Variants in STX8 observed in about 807,000 individuals in gnomAD.
STX8 encodes the protein syntaxin-8.
In STX8, 23 loss-of-function variants were observed where a neutral mutation model predicts 37.5. That is an observed-to-expected ratio of 0.61 (90% CI 0.44 to 0.87). The LOEUF is 0.87. STX8 is among the 40% of genes least tolerant of loss of function. The pLI, the probability that STX8 is intolerant of heterozygous loss-of-function variation, is 0.00. For synonymous variants in STX8, 115 were observed against 99.1 expected (o/e 1.16, Z -0.95); for missense variants, 313 against 284.7 (o/e 1.10, Z -0.71).
At chr17:9,328,394 G>C (rs538883493) in intron 7 of STX8, among the ~76,000 whole-genome samples, 4 of 152,242 alleles carry the variant, frequency 2.6e-5, no homozygotes, top group African/African-American at 9.6e-5. Context: ...AAGTCCTTCA[G>C]TTCAAAGTAC....
Position 9,482,265 on chromosome 17 carries a change from G to A in STX8, c.541+9564C>T, listed in dbSNP as rs538422705. ...ACCTACAGAATTTTTTTTTTGCCTCGTTCATATTTCATCTGTACTATTTTT... is the reference window on the plus strand; with the variant it reads ...ACCTACAGAATTTTTTTTTTGCCTCATTCATATTTCATCTGTACTATTTTT... On this transcript the variant is annotated intron_variant, in intron 6 of 7. Transcript: ENST00000306357. Among the ~76,000 whole-genome samples, 4 of 150,676 alleles carry A rather than the reference G, an allele frequency of 2.7e-5. No homozygotes were observed. The East Asian group carries it at 5.9e-4, about 22-fold the overall frequency.
intron 4 of STX8, among the ~76,000 whole-genome samples, chr17:9,509,210 C>T (rs1166013218): frequency 6.6e-6 from 1 of 152,140 alleles, no homozygotes; most frequent in Non-Finnish European, 1.5e-5. Context: ...GACCACGCTA[C>T]TGCACTCCAG....
At chr17:9,454,259 C>T (rs886953500) in intron 6 of STX8, among the ~76,000 whole-genome samples, 1 of 152,136 alleles carries the variant, frequency 6.6e-6, no homozygotes, top group Non-Finnish European at 1.5e-5. Flanking sequence ...CCAAATGACT[C>T]GTAGGCCGGG....
intron 7 of STX8, among the ~76,000 whole-genome samples, chr17:9,284,489 C>T (rs573043419): frequency 3.3e-5 from 5 of 152,236 alleles, no homozygotes; most frequent in South Asian, 2.1e-4. Flanking sequence ...CCTGGAGATA[C>T]GGAGATAAAC....
intron 2 of STX8, among the ~76,000 whole-genome samples, chr17:9,562,453 G>C (rs923503332): frequency 2.0e-5 from 3 of 151,016 alleles, no homozygotes; most frequent in African/African-American, 7.3e-5. Context: ...CCACAAGCAA[G>C]TCAAATGTCA....
At chr17:9,295,106 A>C (rs1908467708) in intron 7 of STX8, among the ~76,000 whole-genome samples, 1 of 152,228 alleles carries the variant, frequency 6.6e-6, no homozygotes, top group Non-Finnish European at 1.5e-5. Flanking sequence ...AGACTAATGG[A>C]GTGAGCCTTG....
intron 4 of STX8, among the ~76,000 whole-genome samples, chr17:9,515,395 GCA>G (rs751234431): frequency 1.3e-5 from 2 of 152,132 alleles, no homozygotes; most frequent in Non-Finnish European, 2.9e-5. Flanking sequence ...AAGATTTTAA[GCA>G]CAGAGTTGGT....
At chr17:9,372,779 ATTTT>A (rs72485507) in intron 7 of STX8, among the ~76,000 whole-genome samples, 3 of 109,532 alleles carry the variant, frequency 2.7e-5, no homozygotes, top group African/African-American at 3.4e-5. Context: ...CCCAGCCCTC[ATTTT>A]TTTTTTTTTT....
intron 1 of STX8, 59 bp downstream of exon 1, chr17:9,575,733 C>A: frequency 1.3e-6 from 2 of 1,541,850 alleles, no homozygotes; most frequent in Non-Finnish European, 8.8e-7. Flanking sequence ...GCCTGCTCTC[C>A]GGAAGCCCGG....
chr17:9,363,951 C>T (rs945114298), intron 7 of STX8, among the ~76,000 whole-genome samples: 8 of 152,138 alleles, frequency 5.3e-5, no homozygotes, highest in Non-Finnish European at 1.2e-4. Flanking sequence ...CTTCAATTTG[C>T]CTGGATTAAG....
chr17:9,350,963 A>T (rs868206113), intron 7 of STX8, among the ~76,000 whole-genome samples: 1 of 152,202 alleles, frequency 6.6e-6, no homozygotes, highest in Non-Finnish European at 1.5e-5. Context: ...AAATATTAAC[A>T]TGGGAACTAA....
rs550607528 is a variant in STX8 at position 9,532,713 on chromosome 17, A to G, written c.323+12459T>C. 6.6e-5 allele frequency among the ~76,000 whole-genome samples: 10 copies of G among 152,298 alleles called. 1 individual carries two copies. The highest frequency in any genetic ancestry group is 2.0e-4 in the Admixed American group (3 of 15,300). ...ATGGTCAACATTTTGACCTAACACTATCAACCAAACCGACTCTTCCACCAA... is the reference window on the plus strand; with the variant it reads ...ATGGTCAACATTTTGACCTAACACTGTCAACCAAACCGACTCTTCCACCAA... On this transcript the variant is annotated intron_variant, in intron 4 of 7. Coordinates refer to ENST00000306357, the MANE Select transcript of STX8 (RefSeq NM_004853.3).
intron 7 of STX8, among the ~76,000 whole-genome samples, chr17:9,323,681 AAGAG>A (rs1415868990): frequency 8.5e-5 from 13 of 152,212 alleles, no homozygotes; most frequent in Middle Eastern, 3.4e-3. Flanking sequence ...AAATGAAGAG[AAGAG>A]AGAAAGGAAG....
chr17:9,506,882 G>A (rs929609987), intron 4 of STX8, among the ~76,000 whole-genome samples: 1 of 151,854 alleles, frequency 6.6e-6, no homozygotes, highest in African/African-American at 2.4e-5. Flanking sequence ...CTTCCTCTTG[G>A]GGCCAGTAGC....
chr17:9,282,315 G>A (rs113592188), intron 7 of STX8, among the ~76,000 whole-genome samples: 1 of 152,082 alleles, frequency 6.6e-6, no homozygotes, highest in African/African-American at 2.4e-5. Flanking sequence ...TGTATTTTTA[G>A]TAGAGACAGG....
In STX8 at chr17:9,378,619, G is replaced by C; in HGVS notation, c.576C>G (p.Asn192Lys). The C allele has an allele frequency of 6.2e-7, 1 of 1,613,762 alleles. No homozygotes were observed. Among genetic ancestry groups the C allele is most frequent in the Non-Finnish European group, 8.5e-7 (1 of 1,179,768 alleles). The change falls in exon 7 of 8, where the codon AAC (asparagine) becomes AAG (lysine). Residue 192 changes from asparagine (N) to lysine (K), a missense_variant. Asn to Lys is a moderately conservative substitution (Grantham distance 94). Transcript: ENST00000306357. The stretch of plus-strand genomic sequence containing the variant: ...TTTCATTGCGAAGTTTTTCATCTGT[G>C]TTCTCCACTAGGTTGGCAAGGTCGT... Reference protein sequence around the residue: ...IIDDLANLVENTDEKLRNETR... With the variant: ...IIDDLANLVEKTDEKLRNETR...
intron 4 of STX8, among the ~76,000 whole-genome samples, chr17:9,508,930 A>C (rs533733629): frequency 6.6e-6 from 1 of 152,324 alleles, no homozygotes; most frequent in African/African-American, 2.4e-5. Context: ...AATTATCAAA[A>C]GTCAAAGACA....
intron 2 of STX8, among the ~76,000 whole-genome samples, chr17:9,568,005 T>C (rs1312930546): frequency 6.6e-6 from 1 of 152,096 alleles, no homozygotes; most frequent in East Asian, 1.9e-4. Flanking sequence ...ATTTTTAATG[T>C]AAAATGTAAA....
intron 3 of STX8, among the ~76,000 whole-genome samples, chr17:9,555,861 A>G (rs1906946757): frequency 6.6e-6 from 1 of 150,440 alleles, no homozygotes; most frequent in Admixed American, 6.7e-5. Flanking sequence ...GCACCGCTGC[A>G]CTCCAGCCTG....
Sources: allele counts gnomAD v4.1 joint callset (sites outside exome capture counted in the v4.1 genomes callset), GRCh38; gene constraint gnomAD v4.1.1; transcripts MANE v1.5; gene names NCBI Gene and HGNC (gene_info 2026-07-23, HGNC 2026-07-21).